Variants in MAD1L1 observed in about 807,000 individuals in gnomAD.
The protein encoded by MAD1L1 is mitotic spindle assembly checkpoint protein MAD1.
A neutral mutation model predicts 96.9 loss-of-function variants in MAD1L1; 95 were observed. The observed-to-expected ratio is 0.98, with a 90% CI of 0.83 to 1.16. The LOEUF is 1.16. Ranked by LOEUF, MAD1L1 falls within the 50% of genes most tolerant of loss-of-function variation. The pLI is 0.00. For missense variants in MAD1L1, 1,007 were observed against 954.4 expected (o/e 1.06, Z -0.73); for synonymous variants, 473 against 396.6 (o/e 1.19, Z -2.29).
At chr7:2,124,360 A>T (rs1473470959) in intron 11 of MAD1L1, among the ~76,000 whole-genome samples, 1 of 152,244 alleles carries the variant, frequency 6.6e-6, no homozygotes, top group Non-Finnish European at 1.5e-5. Flanking sequence ...CGGGGCGTGG[A>T]ACTGATTTGG....
At chr7:1,879,794 G>A (rs1252210988) in intron 18 of MAD1L1, among the ~76,000 whole-genome samples, 4 of 152,122 alleles carry the variant, frequency 2.6e-5, no homozygotes, top group African/African-American at 4.8e-5. Context: ...GCAGTGGCGC[G>A]ATCTCGGCTC....
At chr7:1,878,819 TGAAAAG>T (rs562305764) in intron 18 of MAD1L1, among the ~76,000 whole-genome samples, 73 of 149,998 alleles carry the variant, frequency 4.9e-4, no homozygotes, top group Non-Finnish European at 4.7e-4. Flanking sequence ...GCATAAAAGT[TGAAAAG>T]GAAGACATAA....
intron 18 of MAD1L1, among the ~76,000 whole-genome samples, chr7:1,891,627 G>C (rs914648176): frequency 6.6e-6 from 1 of 152,194 alleles, no homozygotes; most frequent in Non-Finnish European, 1.5e-5. Flanking sequence ...ACCCAGGCTA[G>C]AGTGCGGTGG....
At chr7:2,084,127 G>A (rs1785789748) in intron 11 of MAD1L1, among the ~76,000 whole-genome samples, 1 of 152,254 alleles carries the variant, frequency 6.6e-6, no homozygotes, top group Non-Finnish European at 1.5e-5. Flanking sequence ...AGCACTGCTG[G>A]CAGGGTGTGC....
At chr7:2,019,373 C>T (rs892473982) in intron 12 of MAD1L1, among the ~76,000 whole-genome samples, 5 of 152,182 alleles carry the variant, frequency 3.3e-5, no homozygotes, top group African/African-American at 9.7e-5. Context: ...TGATGACAGG[C>T]GAAAGCGGCA....
intron 11 of MAD1L1, among the ~76,000 whole-genome samples, chr7:2,093,786 T>A (rs1786335095): frequency 6.6e-6 from 1 of 152,066 alleles, no homozygotes; most frequent in African/African-American, 2.4e-5. Context: ...CTGCGCTCCA[T>A]CAGCCAGAGG....
chr7:2,113,309 G>A (rs1355006202), intron 11 of MAD1L1, among the ~76,000 whole-genome samples: 1 of 152,240 alleles, frequency 6.6e-6, no homozygotes, highest in Non-Finnish European at 1.5e-5. Context: ...GCTGGGCACG[G>A]TGGCTCACAG....
intron 18 of MAD1L1, among the ~76,000 whole-genome samples, chr7:1,868,964 C>T (rs1784911988): frequency 6.6e-6 from 1 of 152,238 alleles, no homozygotes; most frequent in Non-Finnish European, 1.5e-5. Context: ...TAGCCCGGCA[C>T]AGCCCAAACC....
chr7:2,168,858 G>C (rs1460861439), intron 10 of MAD1L1, among the ~76,000 whole-genome samples: 2 of 152,216 alleles, frequency 1.3e-5, no homozygotes, highest in Non-Finnish European at 2.9e-5. Context: ...GTTTTATTCC[G>C]AGTGTGCTAA....
intron 11 of MAD1L1, among the ~76,000 whole-genome samples, chr7:2,138,925 G>C (rs949758721): frequency 3.3e-5 from 5 of 152,198 alleles, no homozygotes; most frequent in African/African-American, 1.2e-4. Flanking sequence ...ATCTTGCAAA[G>C]CAAGAGTCCT....
intron 11 of MAD1L1, among the ~76,000 whole-genome samples, chr7:2,120,359 C>A (rs1584371065): frequency 6.6e-6 from 1 of 152,246 alleles, no homozygotes; most frequent in Non-Finnish European, 1.5e-5. Flanking sequence ...GGCTGCGCTG[C>A]AGCAGCCTCT....
intron 18 of MAD1L1, among the ~76,000 whole-genome samples, chr7:1,818,563 GAGAT>G (rs552911201): frequency 2.4e-4 from 36 of 152,070 alleles, no homozygotes; most frequent in African/African-American, 6.7e-4. Flanking sequence ...ATTTTTTTGA[GAGAT>G]AGATAGACTT....
intron 10 of MAD1L1, among the ~76,000 whole-genome samples, chr7:2,160,585 G>C (rs573091996): frequency 6.6e-6 from 1 of 151,804 alleles, no homozygotes; most frequent in Non-Finnish European, 1.5e-5. Context: ...TGCCCGCTTC[G>C]GCCTCCCAAA....
rs957018851 is a variant in MAD1L1 at position 2,208,975 on chromosome 7, G to A, written c.986+4237C>T. ...CAACTTCCAGCACCCTAAGGATGAG[G>A]GTGTCCACACCACACTCCCGGCACT... On this transcript the variant is annotated intron_variant, in intron 10 of 18. Coordinates refer to ENST00000265854, the MANE Select transcript of MAD1L1 (RefSeq NM_001013836.2). Among the ~76,000 whole-genome samples the A allele has an allele frequency of 2.6e-5, 4 of 152,240 alleles. No individual in the cohort carries two copies. In the South Asian group the frequency reaches 6.2e-4, roughly 24 times the overall value.
intron 11 of MAD1L1, among the ~76,000 whole-genome samples, chr7:2,130,502 T>C (rs951072237): frequency 4.6e-5 from 7 of 152,128 alleles, no homozygotes; most frequent in African/African-American, 1.4e-4. Context: ...GCTTCCCACA[T>C]AGTCTTGGGC....
At chr7:1,926,032 A>C (rs899010515) in intron 17 of MAD1L1, among the ~76,000 whole-genome samples, 2 of 152,140 alleles carry the variant, frequency 1.3e-5, no homozygotes, top group Non-Finnish European at 2.9e-5. Flanking sequence ...AAAAGAAAAA[A>C]GAAAAAAAAA....
At chr7:2,112,895 G>A (rs1277491277) in intron 11 of MAD1L1, among the ~76,000 whole-genome samples, 1 of 152,134 alleles carries the variant, frequency 6.6e-6, no homozygotes, top group Non-Finnish European at 1.5e-5. Flanking sequence ...AAAAGATGAG[G>A]GCAAATCACA....
chr7:1,888,996 G>A (rs1281227437), intron 18 of MAD1L1, among the ~76,000 whole-genome samples: 1 of 152,362 alleles, frequency 6.6e-6, no homozygotes, highest in East Asian at 1.9e-4. Context: ...GTGGCCTGAT[G>A]TCGGCAGACA....
chr7:2,065,817 G>A (rs1784854162), intron 12 of MAD1L1, among the ~76,000 whole-genome samples: 1 of 152,176 alleles, frequency 6.6e-6, no homozygotes, highest in Admixed American at 6.5e-5. Flanking sequence ...GCGGGAGGGT[G>A]GAGTGCAGAC....
Sources: gnomAD v4.1 joint callset for allele counts (sites outside exome capture counted in the v4.1 genomes callset) on GRCh38, gnomAD v4.1.1 for gene constraint, MANE v1.5 for transcripts, NCBI Gene and HGNC (gene_info 2026-07-23, HGNC 2026-07-21) for gene names.